MGST1: variants seen among roughly 807,000 people sequenced by gnomAD.
MGST1 encodes microsomal glutathione S-transferase 1.
In MGST1, 5 loss-of-function variants were observed where a neutral mutation model predicts 8.9. That is an observed-to-expected ratio of 0.56 (90% CI 0.29 to 1.19). MGST1 has a LOEUF of 1.19. Ranked by LOEUF, MGST1 falls within the 50% of genes most tolerant of loss-of-function variation. The probability of loss-of-function intolerance (pLI) is 0.08; values close to 1 mark genes in which losing one functional copy is unlikely to be tolerated. For synonymous variants in MGST1, 54 were observed against 67.8 expected, an observed-to-expected ratio of 0.80 and a Z score of 1.00; for missense variants, 182 against 187.4, an observed-to-expected ratio of 0.97 and a Z score of 0.17.
chr12:16,409,667 A>G (rs1254895311), intron 1 of MGST1, among the ~76,000 whole-genome samples: 2 of 152,148 alleles, frequency 1.3e-5, no homozygotes, highest in Non-Finnish European at 2.9e-5. Context: ...TTTGCAGAAC[A>G]ATATCCTGTT....
At chr12:16,564,257 G>C (rs1441030589) in intron 4 of MGST1, among the ~76,000 whole-genome samples, 1 of 152,158 alleles carries the variant, frequency 6.6e-6, no homozygotes, top group African/African-American at 2.4e-5. Context: ...ACACTGTAGT[G>C]AGCATGCACA....
downstream of MGST1, among the ~76,000 whole-genome samples, chr12:16,591,986 A>G (rs1028240293): frequency 6.6e-6 from 1 of 152,068 alleles, no homozygotes; most frequent in Non-Finnish European, 1.5e-5. This position sits in a 1 kb window ranked among gnomAD's most constrained non-coding sequence, Gnocchi z 4.1. Context: ...TTATTTGACA[A>G]TAATAGTGAC....
chr12:16,395,628 C>T (rs1475764240), intron 1 of MGST1, among the ~76,000 whole-genome samples: 1 of 151,026 alleles, frequency 6.6e-6, no homozygotes, highest in African/African-American at 2.4e-5. Context: ...GACTTTGAAT[C>T]CCCACAGCTT....
At position 16,369,506 on chromosome 12, in the gene MGST1, C is replaced by G. The variant is rs1940254539; in HGVS notation, c.222-6616C>G. Among the ~76,000 whole-genome samples, 1 of 152,146 alleles carries G rather than the reference C, an allele frequency of 6.6e-6. No homozygotes were observed. Among genetic ancestry groups the G allele is most frequent in the Non-Finnish European group, 1.5e-5 (1 of 68,018 alleles). On this transcript the variant is annotated intron_variant, in intron 3 of 3. Coordinates refer to the MGST1 transcript ENST00000535309. The surrounding 1 kb of genome is among the most constrained non-coding windows in gnomAD (Gnocchi z 4.8). Reference sequence around the variant, plus strand: ...CTAGGGTTACTTGGGCAACTCAACTCTCTCCCATGTGTCTTATCCTGTACT... The same window carrying G: ...CTAGGGTTACTTGGGCAACTCAACTGTCTCCCATGTGTCTTATCCTGTACT...
In MGST1 at chr12:16,584,773, A is replaced by G. The variant is rs1024495970; in HGVS notation, n.483-4755A>G. ...TCTCGCCTCACAAAGCAGTGCCAAG[A>G]CTCCTTGTTAGGCTGAAAGCTCCCA... On this transcript the variant is annotated intron_variant and non_coding_transcript_variant, in intron 4 of 4. Transcript: ENST00000538857. The surrounding 1 kb of genome is among the most constrained non-coding windows in gnomAD (Gnocchi z 5.2). 6.6e-6 allele frequency among the ~76,000 whole-genome samples: 1 copy of G among 151,970 alleles called. No homozygotes were observed. Among genetic ancestry groups the G allele is most frequent in the Non-Finnish European group, 1.5e-5 (1 of 67,988 alleles).
rs1940736792 is a variant in MGST1 at position 16,410,838 on chromosome 12, TATTTG to T, written n.779-26549_779-26545del. Among the ~76,000 whole-genome samples the T allele has an allele frequency of 6.6e-6, 1 of 152,026 alleles. No individual in the cohort carries two copies. The highest frequency in any genetic ancestry group is 1.5e-5 in the Non-Finnish European group (1 of 68,000). On this transcript the variant is annotated intron_variant and non_coding_transcript_variant, in intron 1 of 1. Transcript: ENST00000359720. This position sits in a 1 kb window ranked among gnomAD's most constrained non-coding sequence, Gnocchi z 4.4. ...CACAAGAATAACGCCTACATATAAC[TATTTG>T]GTTTGACTCCATTTTTTCCCAAGAT...
intron 4 of MGST1, among the ~76,000 whole-genome samples, chr12:16,531,205 T>C (rs1334968810): frequency 1.6e-5 from 2 of 128,114 alleles, no homozygotes; most frequent in East Asian, 4.4e-4. Flanking sequence ...GTGAGTGGAG[T>C]AGGAGGGTCT....
At chr12:16,438,565 G>A (rs534674422) in exon 2 of MGST1, 15 of 151,912 alleles carry the variant, frequency 9.9e-5, no homozygotes, top group African/African-American at 3.6e-4. Flanking sequence ...ATTCCTGATG[G>A]TTGCTCATAG....
chr12:16,540,847 T>TTGCA (rs1941789034), intron 4 of MGST1, among the ~76,000 whole-genome samples: 1 of 152,024 alleles, frequency 6.6e-6, no homozygotes, highest in South Asian at 2.1e-4. Flanking sequence ...GAGGCGGAGG[T>TTGCA]TGCAGCAAGC....
chr12:16,378,718 A>C (rs1173921324), downstream of MGST1, among the ~76,000 whole-genome samples: 8 of 149,096 alleles, frequency 5.4e-5, no homozygotes, highest in Non-Finnish European at 8.9e-5. Flanking sequence ...ATGGCATTGA[A>C]TCTATAAATT....
At chr12:16,365,736 T>TGC (rs879374660), downstream of MGST1, among the ~76,000 whole-genome samples, 12,366 of 120,116 alleles carry the variant, frequency 0.1, 585 homozygotes, top group East Asian at 0.35. Flanking sequence ...CATGCACGCG[T>TGC]GCACGCGCAC....
intron 4 of MGST1, among the ~76,000 whole-genome samples, chr12:16,542,377 A>G (rs1007864361): frequency 2.0e-5 from 3 of 152,218 alleles, no homozygotes; most frequent in Non-Finnish European, 4.4e-5. Context: ...TTTGTCCTTA[A>G]AAGCCCAAAG....
downstream of MGST1, among the ~76,000 whole-genome samples, chr12:16,380,801 G>A (rs541961905): frequency 5.7e-4 from 86 of 152,196 alleles, no homozygotes; most frequent in African/African-American, 1.8e-3. Flanking sequence ...GGTCACTGAT[G>A]ACTTGCTTTA....
chr12:16,439,497 C>A (rs1016564374), downstream of MGST1, among the ~76,000 whole-genome samples: 2 of 151,738 alleles, frequency 1.3e-5, no homozygotes, highest in African/African-American at 4.8e-5. Flanking sequence ...TTCAGCTGTT[C>A]TTTCTTGATT....
rs1942159373 is a variant in MGST1 at position 16,555,477 on chromosome 12, T to C, written n.483-34051T>C. On this transcript the variant is annotated intron_variant and non_coding_transcript_variant, in intron 4 of 4. Coordinates refer to the MGST1 transcript ENST00000538857. This position sits in a 1 kb window ranked among gnomAD's most constrained non-coding sequence, Gnocchi z 5.5. Reference sequence around the variant, plus strand: ...TTTTGAACCCTTTGCAGAACCATCATAAACTGTACTACCACTTAAGGTGTG... The same window carrying C: ...TTTTGAACCCTTTGCAGAACCATCACAAACTGTACTACCACTTAAGGTGTG... Among the ~76,000 whole-genome samples, 2 of 152,256 alleles carry C rather than the reference T, an allele frequency of 1.3e-5. No homozygotes were observed. The highest frequency in any genetic ancestry group is 6.5e-5 in the Admixed American group (1 of 15,290).
chr12:16,514,269 C>T (rs542919431), intron 4 of MGST1: 7 of 279,026 alleles, frequency 2.5e-5, no homozygotes, highest in African/African-American at 4.5e-5. Flanking sequence ...TTTGCAAAGA[C>T]GCAGATGAAG....
Position 16,401,998 on chromosome 12 carries a change from ATT to A in MGST1, n.778+18396_778+18397del. ...CAGCTCTTCATGAACTCTCCAGGGA[ATT>A]TGTCTTTGCTGAACACTCCAATCTT... On this transcript the variant is annotated intron_variant and non_coding_transcript_variant, in intron 1 of 1. Coordinates refer to the MGST1 transcript ENST00000359720. The surrounding 1 kb of genome is among the most constrained non-coding windows in gnomAD (Gnocchi z 4.3). The A allele has an allele frequency of 1.2e-6, 2 of 1,611,846 alleles. No individual in the cohort carries two copies. Among genetic ancestry groups the A allele is most frequent in the Non-Finnish European group, 1.7e-6 (2 of 1,178,050 alleles).
chr12:16,551,030 T>G, intron 4 of MGST1: 1 of 497,078 alleles, frequency 2.0e-6, no homozygotes, highest in Non-Finnish European at 3.6e-6. Context: ...TCTTTAATAA[T>G]AAACATTCAA....
At chr12:16,368,461 C>T (rs570394447), downstream of MGST1, among the ~76,000 whole-genome samples, 4 of 152,278 alleles carry the variant, frequency 2.6e-5, no homozygotes, top group Admixed American at 6.5e-5. Context: ...ATCATCTCCC[C>T]GCTGCCAGCC....
Sources: gnomAD v4.1 joint callset for allele counts (sites outside exome capture counted in the v4.1 genomes callset) on GRCh38, gnomAD v4.1.1 for gene constraint, Gnocchi (gnomAD v3.1) non-coding constraint, MANE v1.5 for transcripts, NCBI Gene and HGNC (gene_info 2026-07-23, HGNC 2026-07-21) for gene names.